Variants in NCR1 observed in about 807,000 individuals in gnomAD.
NCR1 encodes natural cytotoxicity triggering receptor 1.
In NCR1, 30 loss-of-function variants were observed where a neutral mutation model predicts 32.5. That is an observed-to-expected ratio of 0.92 (90% CI 0.69 to 1.25). The LOEUF (loss-of-function observed/expected upper bound fraction) is 1.25. NCR1 is among the 50% of genes most tolerant of loss of function. The pLI, the probability that NCR1 is intolerant of heterozygous loss-of-function variation, is 0.00. For missense variants in NCR1, 369 were observed against 380.7 expected (o/e 0.97, Z 0.26); for synonymous variants, 169 against 143.4 (o/e 1.18, Z -1.28).
At chr19:54,919,842 G>A (rs902813298), downstream of NCR1, among the ~76,000 whole-genome samples, 16 of 151,798 alleles carry the variant, frequency 1.1e-4, no homozygotes, top group Non-Finnish European at 1.3e-4. Context: ...TGGCGTCACC[G>A]CTAGACCAAG....
the NCR1 span, chr19:54,923,895 A>G: frequency 6.2e-7 from 1 of 1,609,312 alleles, no homozygotes; most frequent in South Asian, 1.1e-5. Flanking sequence ...GAGAACACAA[A>G]TGTTCCCAGA....
At chr19:54,919,174 C>T (rs989369707), downstream of NCR1, among the ~76,000 whole-genome samples, 3 of 152,032 alleles carry the variant, frequency 2.0e-5, no homozygotes, top group Admixed American at 1.3e-4. Context: ...GTGGGTCTCT[C>T]CCTGTGTGCG....
Position 54,912,739 on chromosome 19 carries a change from G to C in NCR1, c.783G>C (p.Leu261=), listed in dbSNP as rs2146092652. The change falls in exon 7 of 7, where the codon CTG becomes CTC. Residue 261 remains leucine, a synonymous_variant. Transcript: ENST00000291890. ...CCCAGAATCTCCTTCGGATGGGCCT[G>C]GCCTTTCTAGTCCTGGTGGCTCTAG... ...HTAQNLLRMG[L]AFLVLVALVW... 2 of 1,613,916 alleles carry C rather than the reference G, an allele frequency of 1.2e-6. No homozygotes were observed. Among genetic ancestry groups the C allele is most frequent in the South Asian group, 1.1e-5 (1 of 91,072 alleles).
At chr19:54,903,682 T>G (rs587767242), upstream of NCR1, among the ~76,000 whole-genome samples, 2 of 133,990 alleles carry the variant, frequency 1.5e-5, no homozygotes, top group East Asian at 4.7e-4. Flanking sequence ...TATGTATAAA[T>G]GTATATATGT....
At chr19:54,903,570 GTA>G (rs1036337379), upstream of NCR1, among the ~76,000 whole-genome samples, 12 of 131,876 alleles carry the variant, frequency 9.1e-5, no homozygotes, top group Non-Finnish European at 9.7e-5. Flanking sequence ...ACATATATGT[GTA>G]TATATACGCA....
At chr19:54,918,306 C>T (rs2068175623), downstream of NCR1, among the ~76,000 whole-genome samples, 1 of 151,902 alleles carries the variant, frequency 6.6e-6, no homozygotes, top group Non-Finnish European at 1.5e-5. Context: ...CGCTCTGTTA[C>T]CCAGGCTGGA....
At chr19:54,916,317 C>CTTTATTTTTTTTTTTTTTTTTTTTTTTT (rs2068130879), downstream of NCR1, among the ~76,000 whole-genome samples, 1 of 87,124 alleles carries the variant, frequency 1.1e-5, no homozygotes, top group African/African-American at 4.5e-5. Context: ...GAATATTGTG[C>CTTTATTTTTTTTTTTTTTTTTTTTTTTT]TTTTTTTTTT....
the NCR1 span, among the ~76,000 whole-genome samples, chr19:54,927,445 A>G: frequency 6.6e-6 from 1 of 151,914 alleles, no homozygotes; most frequent in African/African-American, 2.4e-5. Context: ...AGGCCCAGCT[A>G]CTCATGAGGC....
At chr19:54,934,702 G>GTA in the NCR1 span, 1 of 1,514,038 alleles carries the variant, frequency 6.6e-7, no homozygotes, top group Non-Finnish European at 9.0e-7. The surrounding 1 kb of genome is among the most constrained non-coding windows in gnomAD (Gnocchi z 6.7). Context: ...GGAGGACAGA[G>GTA]TATACCCTAT....
At chr19:54,903,806 T>A (rs587702175), upstream of NCR1, among the ~76,000 whole-genome samples, 3 of 151,394 alleles carry the variant, frequency 2.0e-5, no homozygotes, top group Non-Finnish European at 4.4e-5. Context: ...TTTTATTAAG[T>A]GGAGAGTTAG....
chr19:54,917,422 C>T (rs111918692), downstream of NCR1, among the ~76,000 whole-genome samples: 7,892 of 152,070 alleles, frequency 0.052, 310 homozygotes, highest in Middle Eastern at 0.16. Context: ...TGGGGTCTAG[C>T]GATTCTCCTG....
At chr19:54,898,508 T>C in the NCR1 span, among the ~76,000 whole-genome samples, 2 of 152,234 alleles carry the variant, frequency 1.3e-5, no homozygotes, top group African/African-American at 2.4e-5. Flanking sequence ...TGGCTGCCTC[T>C]ACTCTATTAC....
chr19:54,935,316 C>T, the NCR1 span, among the ~76,000 whole-genome samples: 17 of 152,034 alleles, frequency 1.1e-4, no homozygotes, highest in Admixed American at 1.1e-3. Context: ...CACAACCTGT[C>T]TCCTGGGCTC....
At chr19:54,912,034 G>A (rs980068885) in intron 5 of NCR1, 134 bp from the exon 6 acceptor site, 1 of 747,800 alleles carries the variant, frequency 1.3e-6, no homozygotes, top group Middle Eastern at 2.5e-4. Context: ...CCTGCTGGAT[G>A]AAGCTCCTGG....
At chr19:54,934,003 C>G in the NCR1 span, among the ~76,000 whole-genome samples, 4 of 152,246 alleles carry the variant, frequency 2.6e-5, no homozygotes, top group Admixed American at 6.5e-5. This position sits in a 1 kb window ranked among gnomAD's most constrained non-coding sequence, Gnocchi z 6.7. Flanking sequence ...AGTGCAGTGG[C>G]GCGATCTCGG....
chr19:54,921,321 G>C, the NCR1 span, among the ~76,000 whole-genome samples: 2 of 152,160 alleles, frequency 1.3e-5, no homozygotes, highest in African/African-American at 2.4e-5. Flanking sequence ...CCAGCTGACT[G>C]TAGCCTTAAA....
At chr19:54,923,716 A>G in the NCR1 span, 1 of 1,612,130 alleles carries the variant, frequency 6.2e-7, no homozygotes. Flanking sequence ...TTCCTGTGTA[A>G]TTCGTAGAGC....
chr19:54,898,535 G>A, the NCR1 span, among the ~76,000 whole-genome samples: 39 of 152,274 alleles, frequency 2.6e-4, no homozygotes, highest in African/African-American at 8.7e-4. Context: ...CCTTGAAGGC[G>A]AGGTTAATTA....
At chr19:54,925,006 C>T in the NCR1 span, among the ~76,000 whole-genome samples, 1 of 152,010 alleles carries the variant, frequency 6.6e-6, no homozygotes, top group Non-Finnish European at 1.5e-5. Context: ...AGAGTGAACC[C>T]CAGGGTTAAT....
Sources: gnomAD v4.1 joint callset for allele counts (sites outside exome capture counted in the v4.1 genomes callset) on GRCh38, gnomAD v4.1.1 for gene constraint, Gnocchi (gnomAD v3.1) non-coding constraint, MANE v1.5 for transcripts, NCBI Gene and HGNC (gene_info 2026-07-23, HGNC 2026-07-21) for gene names.